The following CTXND1 variants were observed in gnomAD, a reference collection of about 807,000 sequenced individuals.
The protein encoded by CTXND1 is cortexin domain containing 1, also known as cortexin domain-containing 1 protein.
Position 80,198,065 on chromosome 15 carries a change from C to T in CTXND1, c.*3705G>A, listed in dbSNP as rs1337570112. The T allele has an allele frequency of 1.3e-5, 2 of 152,232 alleles. No individual in the cohort carries two copies. The highest frequency in any genetic ancestry group is 2.9e-5 in the Non-Finnish European group (2 of 68,060). 9.4% of individuals were successfully genotyped at this position (152,232 alleles called of 1,614,324 possible). A position where few individuals can be genotyped will look rare whatever the true frequency, so the allele number is the denominator to read the frequency against. ...CACATTTCTTCTAGTGACCATCACTCTGAACTCTTGGTTCTGCATATTTCT... is the reference window on the plus strand; with the variant it reads ...CACATTTCTTCTAGTGACCATCACTTTGAACTCTTGGTTCTGCATATTTCT... On this transcript the variant is annotated 3_prime_UTR_variant, in exon 3 of 3. Transcript: ENST00000560778.
chr15:80,216,509 C>T (rs1218930673), intron 1 of CTXND1, among the ~76,000 whole-genome samples: 1 of 152,156 alleles, frequency 6.6e-6, no homozygotes, highest in Non-Finnish European at 1.5e-5. Context: ...TACTTTGCTG[C>T]AATAGCAAAA....
chr15:80,232,345 C>G lies in CTXND1; in HGVS notation c.-218+19662G>C, dbSNP rs115948523. Among the ~76,000 whole-genome samples, 617 of 152,282 alleles carry G rather than the reference C, an allele frequency of 4.1e-3. 2 individuals carry two copies. Among genetic ancestry groups the G allele is most frequent in the African/African-American group, 0.014 (598 of 41,546 alleles). On this transcript the variant is annotated intron_variant, in intron 1 of 2. Coordinates refer to ENST00000560778, the MANE Select transcript of CTXND1 (RefSeq NM_001352888.2). ...ATATCCAATTATCTTAGATCAGACT[C>G]GTGGCCAAAGAAATGCTCAGGAAAT...
Position 80,201,598 on chromosome 15 carries a change from C to T in CTXND1, c.*172G>A, listed in dbSNP as rs1006298626. On this transcript the variant is annotated 3_prime_UTR_variant, in exon 3 of 3. Transcript: ENST00000560778. Reference sequence around the variant, plus strand: ...ACACCCACGGCACCCGGGCATTCCACGCTGGTGCTCGAGGGAGGGCTGAGA... The same window carrying T: ...ACACCCACGGCACCCGGGCATTCCATGCTGGTGCTCGAGGGAGGGCTGAGA... 1.3e-5 allele frequency: 5 copies of T among 394,822 alleles called. No homozygotes were observed. Among genetic ancestry groups the T allele is most frequent in the East Asian group, 3.6e-5 (1 of 27,896 alleles). 24.5% of individuals were successfully genotyped at this position (394,822 alleles called of 1,614,324 possible). A position where few individuals can be genotyped will look rare whatever the true frequency, so the allele number is the denominator to read the frequency against.
At position 80,252,111 on chromosome 15, in the gene CTXND1, C is replaced by A. The variant is rs1893704489; in HGVS notation, c.-322G>T. The A allele has an allele frequency of 6.6e-6, 1 of 151,084 alleles. No homozygotes were observed. The highest frequency in any genetic ancestry group is 2.1e-4 in the South Asian group (1 of 4,682). The allele number at this position is 151,084 out of a possible 1,614,324, so 9.4% of individuals were successfully genotyped here. A position where few individuals can be genotyped will look rare whatever the true frequency, so the allele number is the denominator to read the frequency against. On this transcript the variant is annotated 5_prime_UTR_variant, in exon 1 of 3. Transcript: ENST00000560778. ...ACGGCGTTTCCCGGTGACGGGGGCG[C>A]GGGCTCGCGGGGCGCGGGGGGCGCT...
intron 1 of CTXND1, among the ~76,000 whole-genome samples, chr15:80,207,069 A>G (rs6495480): frequency 0.44 from 67,518 of 151,958 alleles, 15,277 homozygotes; most frequent in African/African-American, 0.53. Context: ...GGTTTTCAGC[A>G]GTTTTCCTGT....
intron 1 of CTXND1, among the ~76,000 whole-genome samples, chr15:80,236,911 C>A (rs912963797): frequency 6.6e-6 from 1 of 152,040 alleles, no homozygotes; most frequent in Non-Finnish European, 1.5e-5. Flanking sequence ...TGTAAACAAA[C>A]CCACAGCACA....
rs1051604505 is a variant in CTXND1, at chr15:80,199,706, G to A, written c.*2064C>T. 35 of 152,412 alleles carry A rather than the reference G, an allele frequency of 2.3e-4. No individual in the cohort carries two copies. Among genetic ancestry groups the A allele is most frequent in the African/African-American group, 8.4e-4 (35 of 41,552 alleles). 9.4% of individuals were successfully genotyped at this position (152,412 alleles called of 1,614,324 possible). On this transcript the variant is annotated 3_prime_UTR_variant, in exon 3 of 3. Transcript: ENST00000560778. ...TGGGGATAGGGGTGGGTAGGAGAGGGGTATGAGAGGGATGACAACTGGATA... is the reference window on the plus strand; with the variant it reads ...TGGGGATAGGGGTGGGTAGGAGAGGAGTATGAGAGGGATGACAACTGGATA...
chr15:80,226,298 G>C (rs749379876), intron 1 of CTXND1, among the ~76,000 whole-genome samples: 8 of 152,290 alleles, frequency 5.3e-5, no homozygotes, highest in Non-Finnish European at 1.0e-4. Context: ...GCCTAAATCT[G>C]CTGCTGAGGT....
rs192433749 is a variant in CTXND1, at chr15:80,234,331, C to T, written c.-218+17676G>A. On this transcript the variant is annotated intron_variant, in intron 1 of 2. Coordinates refer to ENST00000560778, the MANE Select transcript of CTXND1 (RefSeq NM_001352888.2). ...TAAATATGTTTTATTTTCATCCAAG[C>T]GATGGGCTAAATCAGTAGAATGATT... 4.6e-5 allele frequency among the ~76,000 whole-genome samples: 7 copies of T among 152,062 alleles called. No individual in the cohort carries two copies. In the East Asian group the frequency reaches 7.8e-4, roughly 17 times the overall value.
intron 1 of CTXND1, among the ~76,000 whole-genome samples, chr15:80,237,336 G>GAAAAA (rs201997173): frequency 2.4e-4 from 24 of 101,380 alleles, no homozygotes; most frequent in African/African-American, 4.6e-4. Flanking sequence ...CAGTGTCTCA[G>GAAAAA]AAAAAAAAAA....
intron 1 of CTXND1, among the ~76,000 whole-genome samples, chr15:80,226,009 A>G (rs763702524): frequency 3.9e-5 from 6 of 152,200 alleles, no homozygotes; most frequent in Non-Finnish European, 7.3e-5. Context: ...GTTTATCCTG[A>G]GCACAGTGAC....
At chr15:80,207,405 C>T (rs1893158716) in intron 1 of CTXND1, among the ~76,000 whole-genome samples, 1 of 152,038 alleles carries the variant, frequency 6.6e-6, no homozygotes, top group South Asian at 2.1e-4. Flanking sequence ...ATTCACATTT[C>T]CCTTCAGCCA....
chr15:80,251,021 G>A (rs1893687772), intron 1 of CTXND1, among the ~76,000 whole-genome samples: 1 of 152,184 alleles, frequency 6.6e-6, no homozygotes, highest in African/African-American at 2.4e-5. Flanking sequence ...CGAATCCTCT[G>A]ATTAGAATCA....
intron 1 of CTXND1, among the ~76,000 whole-genome samples, 184 bp from the exon 2 acceptor site, chr15:80,203,924 C>G (rs1218173213): frequency 2.6e-5 from 4 of 151,382 alleles, no homozygotes; most frequent in Admixed American, 2.0e-4. Context: ...AATCCCAGCA[C>G]TTTGGGAGGC....
intron 1 of CTXND1, among the ~76,000 whole-genome samples, chr15:80,220,937 C>T (rs2142130021): frequency 6.8e-6 from 1 of 146,926 alleles, no homozygotes; most frequent in East Asian, 2.0e-4. Flanking sequence ...GAGACAGAGT[C>T]TCGCTCTGTC....
chr15:80,230,915 G>C lies in CTXND1; in HGVS notation c.-218+21092C>G, dbSNP rs545712452. Among the ~76,000 whole-genome samples the C allele has an allele frequency of 2.0e-5, 3 of 152,068 alleles. No homozygotes were observed. The South Asian group carries it at 6.2e-4, about 32-fold the overall frequency. On this transcript the variant is annotated intron_variant, in intron 1 of 2. Transcript: ENST00000560778. ...TCTACTAAAAATACAAAAATTAGCC[G>C]GGCAGGGTGGCACACACCTGTAGTC...
At chr15:80,249,898 G>A (rs933366340) in intron 1 of CTXND1, among the ~76,000 whole-genome samples, 4 of 152,124 alleles carry the variant, frequency 2.6e-5, no homozygotes, top group Non-Finnish European at 5.9e-5. Context: ...GACACGGACC[G>A]GTTCCAGAGC....
At chr15:80,232,254 T>C (rs961480052) in intron 1 of CTXND1, among the ~76,000 whole-genome samples, 2 of 152,182 alleles carry the variant, frequency 1.3e-5, no homozygotes, top group African/African-American at 4.8e-5. Flanking sequence ...GGCTTCTGCA[T>C]ACCTCCCTGC....
chr15:80,216,162 T>C (rs1595905295), intron 1 of CTXND1, among the ~76,000 whole-genome samples: 1 of 152,234 alleles, frequency 6.6e-6, no homozygotes, highest in African/African-American at 2.4e-5. Context: ...CTGAAGATCA[T>C]GTCCCCGTTC....
Sources: gnomAD v4.1 joint callset for allele counts (sites outside exome capture counted in the v4.1 genomes callset) on GRCh38, gnomAD v4.1.1 for gene constraint, MANE v1.5 for transcripts, NCBI Gene and HGNC (gene_info 2026-07-23, HGNC 2026-07-21) for gene names.